Variants in UACA observed in about 807,000 individuals in gnomAD.
The protein encoded by UACA is uveal autoantigen with coiled-coil domains and ankyrin repeats.
Under a neutral mutation model 160.5 loss-of-function variants are expected in UACA, and 112 were observed. That is an observed-to-expected ratio of 0.70 (90% CI 0.60 to 0.82). The LOEUF is 0.82. Among genes scored for constraint, UACA ranks in the 40% least tolerant of loss-of-function variants. The pLI is 0.00. For missense variants in UACA, 1,574 were observed against 1,614.6 expected (o/e 0.97, Z 0.43); for synonymous variants, 557 against 568.4 (o/e 0.98, Z 0.29).
chr15:70,700,923 C>T lies in UACA; in HGVS notation c.79-1263G>A, dbSNP rs10518919. Reference sequence around the variant, plus strand: ...AACTGAATCACCTGTATATCCTCTACATGTTTGATCAATATAATTTTATAT... The same window carrying T: ...AACTGAATCACCTGTATATCCTCTATATGTTTGATCAATATAATTTTATAT... On this transcript the variant is annotated intron_variant, in intron 1 of 18. Coordinates refer to ENST00000322954, the MANE Select transcript of UACA (RefSeq NM_018003.4). Among the ~76,000 whole-genome samples the T allele has an allele frequency of 5.3e-5, 8 of 151,786 alleles. No individual in the cohort carries two copies. The East Asian group carries it at 1.5e-3, about 29-fold the overall frequency.
chr15:70,729,513 A>G (rs1864499544), intron 1 of UACA, among the ~76,000 whole-genome samples: 1 of 142,654 alleles, frequency 7.0e-6, no homozygotes, highest in African/African-American at 3.0e-5. Context: ...AGATGGGAAC[A>G]ACCCTTCCGC....
At chr15:70,760,757 AG>A (rs1309112407) in intron 1 of UACA, among the ~76,000 whole-genome samples, 1 of 151,604 alleles carries the variant, frequency 6.6e-6, no homozygotes, top group Non-Finnish European at 1.5e-5. Flanking sequence ...CAATGAGCCA[AG>A]ATGGTCCCAT....
At chr15:70,702,162 C>G in intron 1 of UACA, 1 of 1,269,562 alleles carries the variant, frequency 7.9e-7, no homozygotes, top group Non-Finnish European at 9.9e-7. Context: ...AGCCCCAAGT[C>G]AGGTACAGTA....
intron 17 of UACA, among the ~76,000 whole-genome samples, chr15:70,662,558 A>G (rs948607571): frequency 6.6e-6 from 1 of 152,206 alleles, no homozygotes; most frequent in Non-Finnish European, 1.5e-5. Context: ...CGCCAAGTCA[A>G]TCCTAAGTCA....
chr15:70,681,288 T>C (rs1471508823), intron 9 of UACA, among the ~76,000 whole-genome samples: 2 of 152,192 alleles, frequency 1.3e-5, no homozygotes, highest in African/African-American at 4.8e-5. Flanking sequence ...AGCAGATATC[T>C]GTGAACAAAC....
intron 9 of UACA, chr15:70,681,472 G>C (rs1425325726): frequency 6.6e-6 from 1 of 152,122 alleles, no homozygotes; most frequent in Non-Finnish European, 1.5e-5. Context: ...GTTCCTAGTA[G>C]AATATTAACT....
At chr15:70,760,680 G>A (rs566796074) in intron 1 of UACA, among the ~76,000 whole-genome samples, 137 of 152,068 alleles carry the variant, frequency 9.0e-4, no homozygotes, top group Middle Eastern at 3.4e-3. Flanking sequence ...GGTGGTGCAC[G>A]CCTGTAGTCC....
chr15:70,671,314 T>G (rs1398941288), intron 14 of UACA: 1 of 325,986 alleles, frequency 3.1e-6, no homozygotes, highest in Non-Finnish European at 5.7e-6. Context: ...TTTTTTTTTT[T>G]CTTATTTTTT....
intron 13 of UACA, among the ~76,000 whole-genome samples, chr15:70,673,850 AGTTT>A (rs1341725830): frequency 2.2e-4 from 33 of 152,012 alleles, no homozygotes; most frequent in Non-Finnish European, 3.5e-4. Context: ...AATTCTTAGT[AGTTT>A]GTTGGTTGGT....
intron 1 of UACA, 120 bp from the exon 2 acceptor site, chr15:70,699,780 G>T: frequency 8.8e-7 from 1 of 1,137,854 alleles, no homozygotes; most frequent in Non-Finnish European, 1.2e-6. Context: ...TTTTCCAGTT[G>T]CATTCCAAAT....
Position 70,703,298 on chromosome 15 carries a change from C to T in UACA, c.79-3638G>A, listed in dbSNP as rs1478697179. On this transcript the variant is annotated intron_variant, in intron 1 of 18. Coordinates refer to ENST00000322954, the MANE Select transcript of UACA (RefSeq NM_018003.4). ...TTCATGGGAATGCAAAACATTCCAA[C>T]ACAAGTGTTTACAGGAAGGAAGTAG... 4 of 1,281,950 alleles carry T rather than the reference C, an allele frequency of 3.1e-6. No individual in the cohort carries two copies. In the South Asian group the frequency reaches 5.0e-5, roughly 16 times the overall value. 79.4% of individuals were successfully genotyped at this position (1,281,950 alleles called of 1,614,324 possible).
chr15:70,745,338 G>A (rs1899670676), intron 1 of UACA, among the ~76,000 whole-genome samples: 1 of 152,014 alleles, frequency 6.6e-6, no homozygotes, highest in Admixed American at 6.6e-5. Context: ...GGGAGGCTGA[G>A]GCAGGAGAGT....
chr15:70,736,124 T>C lies in UACA; in HGVS notation c.78+27206A>G, dbSNP rs370506548. Among the ~76,000 whole-genome samples, 9 of 152,364 alleles carry C rather than the reference T, an allele frequency of 5.9e-5. No homozygotes were observed. In the South Asian group the frequency reaches 1.0e-3, roughly 18 times the overall value. ...TAGATGTCTTTAAGGGAAACACCTC[T>C]GGTGTGGAAACTGAAAGTTAATGGC... is the stretch of plus-strand genomic sequence containing the variant. On this transcript the variant is annotated intron_variant, in intron 1 of 18. Transcript: ENST00000322954.
upstream of UACA, among the ~76,000 whole-genome samples, chr15:70,767,239 C>CAAAAAAAAAAAAA (rs747903027): frequency 6.5e-5 from 3 of 46,480 alleles, no homozygotes; most frequent in Non-Finnish European, 1.2e-4. Flanking sequence ...GACTCCATCT[C>CAAAAAAAAAAAAA]AAAAAAAAAA....
chr15:70,757,219 G>C (rs959347220), intron 1 of UACA, among the ~76,000 whole-genome samples: 5 of 151,670 alleles, frequency 3.3e-5, no homozygotes, highest in Admixed American at 6.6e-5. Flanking sequence ...ATCTTCCTTT[G>C]TTCCCTGTAT....
At chr15:70,778,351 A>G in the UACA span, among the ~76,000 whole-genome samples, 1 of 152,254 alleles carries the variant, frequency 6.6e-6, no homozygotes, top group Non-Finnish European at 1.5e-5. Flanking sequence ...GTAAGTTAGA[A>G]GTCTAACACA....
At chr15:70,659,646 A>C (rs1484959764) in intron 18 of UACA, among the ~76,000 whole-genome samples, 1 of 150,970 alleles carries the variant, frequency 6.6e-6, no homozygotes, top group Non-Finnish European at 1.5e-5. Context: ...TTCTCAGTAC[A>C]CCCCTAAAAA....
chr15:70,660,429 C>T, intron 17 of UACA: 1 of 512,198 alleles, frequency 2.0e-6, no homozygotes, highest in Non-Finnish European at 3.5e-6. Context: ...GACAGTAATG[C>T]TACTTTCCCT....
intron 1 of UACA, among the ~76,000 whole-genome samples, chr15:70,760,594 G>T (rs2030689184): frequency 6.6e-6 from 1 of 151,980 alleles, no homozygotes; most frequent in African/African-American, 2.4e-5. Flanking sequence ...GGATCACAAG[G>T]TCAAGAGATT....
Sources: gnomAD v4.1 joint callset for allele counts (sites outside exome capture counted in the v4.1 genomes callset) on GRCh38, gnomAD v4.1.1 for gene constraint, MANE v1.5 for transcripts, NCBI Gene and HGNC (gene_info 2026-07-23, HGNC 2026-07-21) for gene names.